The following SLC9B1 variants were observed in gnomAD, a reference collection of about 807,000 sequenced individuals.
SLC9B1 encodes the protein solute carrier family 9 member B1, also known as sodium/hydrogen exchanger 9B1.
Under a neutral mutation model 51.7 loss-of-function variants are expected in SLC9B1, and 32 were observed. That is an observed-to-expected ratio of 0.62 (90% CI 0.47 to 0.83). SLC9B1 has a LOEUF of 0.83. SLC9B1 is among the 40% of genes least tolerant of loss of function. SLC9B1 has a pLI of 0.00. For missense variants in SLC9B1, 406 were observed against 613.2 expected, an observed-to-expected ratio of 0.66 and a Z score of 3.57; for synonymous variants, 145 against 212.7, an observed-to-expected ratio of 0.68 and a Z score of 2.77.
chr4:102,904,981 CT>C (rs999037253), intron 11 of SLC9B1, among the ~76,000 whole-genome samples: 5 of 94,728 alleles, frequency 5.3e-5, no homozygotes, highest in African/African-American at 3.2e-4. Context: ...GAGACTCTGT[CT>C]CAAAAAAAAA....
In SLC9B1 at chr4:102,995,486, T is replaced by A. The variant is rs117229590; in HGVS notation, c.-1-3774A>T. Among the ~76,000 whole-genome samples the A allele has an allele frequency of 1.4e-3, 208 of 152,142 alleles. No individual in the cohort carries two copies. In the Middle Eastern group the frequency reaches 0.017, roughly 12 times the overall value. ...ATTTTAAGATATGTAACTATAATGA[T>A]TAGGATAGCAGGGCTTGGAACCCAG... On this transcript the variant is annotated intron_variant, in intron 1 of 11. Coordinates refer to ENST00000296422, the MANE Select transcript of SLC9B1 (RefSeq NM_139173.4).
chr4:102,905,970 C>G (rs1392403677), intron 10 of SLC9B1, among the ~76,000 whole-genome samples: 2 of 152,094 alleles, frequency 1.3e-5, no homozygotes, highest in Non-Finnish European at 2.9e-5. Context: ...GATTCTTGCT[C>G]TGTCACCCAG....
At chr4:103,016,477 T>C (rs771052785) in intron 1 of SLC9B1, among the ~76,000 whole-genome samples, 1 of 152,232 alleles carries the variant, frequency 6.6e-6, no homozygotes, top group African/African-American at 2.4e-5. Context: ...GTCAATTTCT[T>C]GACACCACAT....
chr4:102,936,406 C>A (rs555386049), intron 6 of SLC9B1, among the ~76,000 whole-genome samples: 77 of 152,172 alleles, frequency 5.1e-4, no homozygotes, highest in Middle Eastern at 6.8e-3. Flanking sequence ...TGGTTGTTAA[C>A]CAGGATTAAA....
At chr4:102,973,577 A>AAT (rs1311614993) in intron 3 of SLC9B1, among the ~76,000 whole-genome samples, 1 of 152,178 alleles carries the variant, frequency 6.6e-6, no homozygotes, top group Non-Finnish European at 1.5e-5. Flanking sequence ...CAAATTAGAG[A>AAT]ATATATATAC....
At chr4:102,972,592 T>C (rs765078138) in intron 3 of SLC9B1, among the ~76,000 whole-genome samples, 1 of 152,138 alleles carries the variant, frequency 6.6e-6, no homozygotes, top group African/African-American at 2.4e-5. Flanking sequence ...AAAAAGCAGA[T>C]CATTTGTTAC....
At chr4:102,898,758 C>T (rs543021315), downstream of SLC9B1, among the ~76,000 whole-genome samples, 33 of 152,308 alleles carry the variant, frequency 2.2e-4, no homozygotes, top group East Asian at 6.0e-3. Flanking sequence ...GACGGAGTCT[C>T]GCTCTGTCAC....
chr4:102,980,448 T>C (rs1193356872), intron 3 of SLC9B1, among the ~76,000 whole-genome samples: 1 of 152,152 alleles, frequency 6.6e-6, no homozygotes. Context: ...TGCAGGGACA[T>C]GGATGGAGCT....
At chr4:102,939,835 G>C (rs959274655) in intron 6 of SLC9B1, among the ~76,000 whole-genome samples, 3 of 152,064 alleles carry the variant, frequency 2.0e-5, no homozygotes, top group Non-Finnish European at 4.4e-5. Context: ...CAACAAATGA[G>C]TTACTGAAGG....
At chr4:102,970,782 G>C (rs1487177302) in intron 3 of SLC9B1, among the ~76,000 whole-genome samples, 1 of 152,126 alleles carries the variant, frequency 6.6e-6, no homozygotes, top group Non-Finnish European at 1.5e-5. Flanking sequence ...AAAATAAAGG[G>C]ATAGAGGAAT....
intron 3 of SLC9B1, among the ~76,000 whole-genome samples, chr4:102,949,897 G>A (rs1737460875): frequency 6.6e-6 from 1 of 151,954 alleles, no homozygotes; most frequent in Non-Finnish European, 1.5e-5. Context: ...GGAGGTGGAG[G>A]TTGCAGTGAG....
intron 1 of SLC9B1, among the ~76,000 whole-genome samples, chr4:103,013,316 T>G (rs1161069321): frequency 6.6e-6 from 1 of 152,256 alleles, no homozygotes; most frequent in East Asian, 1.9e-4. Flanking sequence ...CAATGCACAC[T>G]ACATAAACTG....
rs140921451 is a variant in SLC9B1 at position 102,936,948 on chromosome 4, G to A, written c.654-4649C>T. ...ATGACCATCCCCAAGACATCCCCAA[G>A]TCATCAGATTCTCCAAGGTCAACAT... On this transcript the variant is annotated intron_variant, in intron 6 of 11. Coordinates refer to ENST00000296422, the MANE Select transcript of SLC9B1 (RefSeq NM_139173.4). Among the ~76,000 whole-genome samples the A allele has an allele frequency of 5.6e-3, 854 of 152,090 alleles. 5 individuals are homozygous for A. The highest frequency in any genetic ancestry group is 0.01 in the Middle Eastern group (3 of 294).
chr4:102,943,899 A>C (rs75404683), intron 6 of SLC9B1, among the ~76,000 whole-genome samples: 1 of 152,054 alleles, frequency 6.6e-6, no homozygotes, highest in Non-Finnish European at 1.5e-5. Flanking sequence ...TGAAAAAAGA[A>C]AAAAGACATG....
intron 3 of SLC9B1, among the ~76,000 whole-genome samples, chr4:102,983,936 C>G (rs1200883556): frequency 6.6e-6 from 1 of 151,906 alleles, no homozygotes; most frequent in Non-Finnish European, 1.5e-5. Flanking sequence ...ACTCAATTAG[C>G]TCTTTTCTTT....
intron 3 of SLC9B1, among the ~76,000 whole-genome samples, chr4:102,965,571 G>T (rs947989729): frequency 2.6e-5 from 4 of 152,058 alleles, no homozygotes; most frequent in African/African-American, 9.7e-5. Context: ...CCTCTTAAAG[G>T]TTCCAACATG....
At chr4:102,888,728 C>T (rs1346723233) in intron 11 of SLC9B1, 1 of 152,272 alleles carries the variant, frequency 6.6e-6, no homozygotes, top group Non-Finnish European at 1.5e-5. Context: ...AGTACAAGAG[C>T]CCAGGAGTTC....
chr4:102,976,937 C>G (rs1456758875), intron 3 of SLC9B1, among the ~76,000 whole-genome samples: 1 of 152,020 alleles, frequency 6.6e-6, no homozygotes, highest in African/African-American at 2.4e-5. Context: ...TGGCTTGAGC[C>G]CAGAAGTTGA....
chr4:102,949,022 T>A (rs1205989109), intron 4 of SLC9B1, among the ~76,000 whole-genome samples: 3 of 152,036 alleles, frequency 2.0e-5, no homozygotes, highest in Non-Finnish European at 4.4e-5. Flanking sequence ...GATATTAAAT[T>A]TATTTTAAAA....
Sources: allele counts gnomAD v4.1 joint callset (sites outside exome capture counted in the v4.1 genomes callset), GRCh38; gene constraint gnomAD v4.1.1; transcripts MANE v1.5; gene names NCBI Gene and HGNC (gene_info 2026-07-23, HGNC 2026-07-21).